The following EPHA4 variants were observed in gnomAD, a reference collection of about 807,000 sequenced individuals.
The protein encoded by EPHA4 is EPH receptor A4, also known as ephrin type-A receptor 4.
In EPHA4, 19 loss-of-function variants were observed where a neutral mutation model predicts 108.3. The observed-to-expected ratio is 0.18, with a 90% CI of 0.12 to 0.26. The LOEUF is 0.26. Among genes scored for constraint, EPHA4 ranks in the 10% least tolerant of loss-of-function variants. EPHA4 has a pLI of 1.00. For synonymous variants in EPHA4, 449 were observed against 455.5 expected, an observed-to-expected ratio of 0.99 and a Z score of 0.18; for missense variants, 917 against 1,254.0, an observed-to-expected ratio of 0.73 and a Z score of 4.06.
chr2:221,449,518 C>CT (rs1690703212), intron 8 of EPHA4, among the ~76,000 whole-genome samples: 2 of 152,202 alleles, frequency 1.3e-5, no homozygotes, highest in Non-Finnish European at 2.9e-5. Context: ...TGGACCCTTT[C>CT]AGCCGCAGGA....
intron 4 of EPHA4, among the ~76,000 whole-genome samples, chr2:221,500,548 T>C (rs1692457984): frequency 6.6e-6 from 1 of 152,200 alleles, no homozygotes; most frequent in Non-Finnish European, 1.5e-5. Context: ...GCCTAAGTCT[T>C]ATGAACACAA....
intron 5 of EPHA4, among the ~76,000 whole-genome samples, chr2:221,458,819 G>A (rs1434021906): frequency 2.0e-5 from 3 of 152,168 alleles, no homozygotes; most frequent in African/African-American, 4.8e-5. Context: ...ACTGACAATG[G>A]CTGGTACCCA....
At chr2:221,452,771 A>G (rs3770177) in intron 8 of EPHA4, among the ~76,000 whole-genome samples, 9,336 of 152,106 alleles carry the variant, frequency 0.061, 584 homozygotes, top group African/African-American at 0.16. Context: ...GACAGGCTCA[A>G]TTCTCTAAGG....
intron 3 of EPHA4, among the ~76,000 whole-genome samples, chr2:221,528,887 G>C (rs1047497965): frequency 2.0e-5 from 3 of 152,080 alleles, no homozygotes; most frequent in Admixed American, 6.5e-5. Flanking sequence ...CTTATCCTCT[G>C]TCCGACATAC....
At chr2:221,499,610 C>A (rs1692409099) in intron 4 of EPHA4, among the ~76,000 whole-genome samples, 1 of 149,122 alleles carries the variant, frequency 6.7e-6, no homozygotes, top group Admixed American at 6.7e-5. Context: ...TGCTCAAATA[C>A]CCAAAAACCT....
intron 3 of EPHA4, among the ~76,000 whole-genome samples, chr2:221,525,584 G>C (rs1693299764): frequency 6.6e-6 from 1 of 152,174 alleles, no homozygotes; most frequent in Non-Finnish European, 1.5e-5. Flanking sequence ...GCTGCCACTT[G>C]AGAGAGCAGG....
intron 9 of EPHA4, among the ~76,000 whole-genome samples, chr2:221,444,322 G>A (rs921902088): frequency 6.6e-5 from 10 of 152,242 alleles, no homozygotes; most frequent in Middle Eastern, 3.4e-3. Context: ...TGTGTTTGCC[G>A]GCAGCCCAGT....
chr2:221,536,991 T>C (rs1335000904), intron 3 of EPHA4, among the ~76,000 whole-genome samples: 1 of 152,206 alleles, frequency 6.6e-6, no homozygotes, highest in Non-Finnish European at 1.5e-5. Context: ...TTAACATAAA[T>C]TATTTTAAAT....
rs80031328 is a variant in EPHA4, at chr2:221,452,468, T to G, written c.1715+3079A>C. On this transcript the variant is annotated intron_variant, in intron 8 of 17. Coordinates refer to ENST00000281821, the MANE Select transcript of EPHA4 (RefSeq NM_004438.5). ...TCTGTTCACCTGTTCTTGTCCCATT[T>G]AAACATTTATAGTCCAAGATAACAG... is the stretch of plus-strand genomic sequence containing the variant. 1.8e-3 allele frequency among the ~76,000 whole-genome samples: 271 copies of G among 152,334 alleles called. 1 individual carries two copies. Among genetic ancestry groups the G allele is most frequent in the African/African-American group, 6.2e-3 (259 of 41,572 alleles).
At chr2:221,484,165 G>C (rs1264783877) in intron 4 of EPHA4, among the ~76,000 whole-genome samples, 1 of 152,188 alleles carries the variant, frequency 6.6e-6, no homozygotes, top group African/African-American at 2.4e-5. Context: ...GCTTTACCTA[G>C]TCTACCACAA....
At chr2:221,503,047 G>T (rs1692526212) in intron 3 of EPHA4, among the ~76,000 whole-genome samples, 4 of 152,204 alleles carry the variant, frequency 2.6e-5, no homozygotes, top group African/African-American at 9.6e-5. Flanking sequence ...TTAGCAGGAA[G>T]AAGGACTGGG....
intron 8 of EPHA4, among the ~76,000 whole-genome samples, chr2:221,449,537 A>C (rs1690703986): frequency 6.6e-6 from 1 of 152,226 alleles, no homozygotes; most frequent in Non-Finnish European, 1.5e-5. Flanking sequence ...GAGTTGGAGA[A>C]AAGAGCCCAC....
intron 2 of EPHA4, among the ~76,000 whole-genome samples, chr2:221,566,875 AAGGAGAAGGAGAAGGAGAAGG>A (rs1694658666): frequency 2.2e-4 from 5 of 22,260 alleles, no homozygotes; most frequent in African/African-American, 1.2e-3. Flanking sequence ...GAAGAAGAAG[AAGGAGAAGGAGAAGGAGAAGG>A]AGAAGGAGAA....
rs1694547211 is a variant in EPHA4, at chr2:221,563,953, A to G, written c.601T>C (p.Tyr201His). The change falls in exon 3 of 18, where the codon TAT (tyrosine) becomes CAT (histidine). Residue 201 changes from tyrosine to histidine, a missense_variant. This residue lies in a region of EPHA4 where 758 missense variants were observed against 1,076.7 expected (regional missense o/e 0.70). Transcript: ENST00000281821. The part of the protein sequence containing the change: ...CIALVSVRVF[Y>H]KKCPLTVRNL... The stretch of plus-strand genomic sequence containing the variant: ...CGGACTGTGAGTGGACACTTTTTAT[A>G]GAACACACGGACTGATACCAGGGCG... 1 of 1,614,066 alleles carries G rather than the reference A, an allele frequency of 6.2e-7. No homozygotes were observed. Among genetic ancestry groups the G allele is most frequent in the African/African-American group, 1.3e-5 (1 of 74,908 alleles).
intron 10 of EPHA4, 90 bp from the exon 11 acceptor site, chr2:221,443,104 G>T: frequency 7.3e-7 from 1 of 1,363,034 alleles, no homozygotes; most frequent in Non-Finnish European, 1.0e-6. Flanking sequence ...CTTGTTACAC[G>T]CCAGGCTGTT....
At chr2:221,567,905 TGA>T (rs1192704073) in intron 2 of EPHA4, among the ~76,000 whole-genome samples, 2 of 152,216 alleles carry the variant, frequency 1.3e-5, no homozygotes, top group African/African-American at 4.8e-5. Flanking sequence ...TAAAAGGATT[TGA>T]GAGTTATTTC....
intron 8 of EPHA4, among the ~76,000 whole-genome samples, chr2:221,454,453 G>A (rs767118456): frequency 6.6e-6 from 1 of 152,158 alleles, no homozygotes; most frequent in Non-Finnish European, 1.5e-5. Context: ...CTATGGCAAT[G>A]CGACAAACTT....
At chr2:221,483,618 C>A (rs1039889545) in intron 4 of EPHA4, among the ~76,000 whole-genome samples, 1 of 151,508 alleles carries the variant, frequency 6.6e-6, no homozygotes, top group South Asian at 2.1e-4. Context: ...CAGGTTCAAG[C>A]GATTATCATG....
At position 221,559,088 on chromosome 2, in the gene EPHA4, T is replaced by C. The variant is rs111453217; in HGVS notation, c.823+4643A>G. ...CCTCTTTTCAGAGCACAAGTCTGTT[T>C]ATTTTAAAACCATTGGAACATTTCT... On this transcript the variant is annotated intron_variant, in intron 3 of 17. Transcript: ENST00000281821. 4.9e-3 allele frequency among the ~76,000 whole-genome samples: 739 copies of C among 152,360 alleles called. 8 individuals carry two copies. The highest frequency in any genetic ancestry group is 0.016 in the African/African-American group (684 of 41,582).
Sources: allele counts gnomAD v4.1 joint callset (sites outside exome capture counted in the v4.1 genomes callset), GRCh38; gene constraint gnomAD v4.1.1; regional missense constraint gnomAD v4.1.1; transcripts MANE v1.5; gene names NCBI Gene and HGNC (gene_info 2026-07-23, HGNC 2026-07-21).